FRY: variants seen among roughly 807,000 people sequenced by gnomAD.
The protein encoded by FRY is FRY microtubule binding protein, also known as protein furry homolog.
In FRY, 128 loss-of-function variants were observed where a neutral mutation model predicts 348.4. The ratio of observed to expected loss-of-function variants is 0.37; its 90% CI spans 0.32 to 0.43. The LOEUF (loss-of-function observed/expected upper bound fraction) is 0.43, where lower values mean the gene tolerates loss of function less well. Ranked by LOEUF, FRY falls within the 20% of genes least tolerant of loss-of-function variation. The pLI is 1.00. For missense variants in FRY, 2,736 were observed against 3,695.2 expected (o/e 0.74, Z 6.73); for synonymous variants, 1,370 against 1,374.7 (o/e 1.00, Z 0.08).
chr13:32,060,920 GGTCT>G (rs914841860), intron 1 of FRY: 2 of 367,670 alleles, frequency 5.4e-6, no homozygotes, highest in African/African-American at 4.3e-5. Flanking sequence ...TTCTACTGTA[GGTCT>G]TTAGCACCTG....
At position 32,201,799 on chromosome 13, in the gene FRY, G is replaced by A. The variant is rs1022134428; in HGVS notation, c.3747-142G>A. The A allele has an allele frequency of 4.6e-6, 3 of 653,324 alleles. No homozygotes were observed. In the African/African-American group the frequency reaches 5.4e-5, roughly 12 times the overall value. 40.5% of individuals were successfully genotyped at this position (653,324 alleles called of 1,614,324 possible). On this transcript the variant is annotated intron_variant, in intron 29 of 60. Coordinates refer to ENST00000542859, the MANE Select transcript of FRY (RefSeq NM_023037.3). ...TACTGATAAATAGCAAAAGAAGGAA[G>A]CAAAAAATGGCCAGACGGGGGTAAG...
chr13:32,073,401 GC>G (rs2138506299), intron 1 of FRY, among the ~76,000 whole-genome samples: 1 of 152,296 alleles, frequency 6.6e-6, no homozygotes, highest in South Asian at 2.1e-4. Flanking sequence ...CCTTCCTGCG[GC>G]AGCCCCAGAC....
intron 51 of FRY, among the ~76,000 whole-genome samples, chr13:32,259,490 G>A (rs73444628): frequency 0.013 from 2,022 of 152,292 alleles, 43 homozygotes; most frequent in African/African-American, 0.045. Flanking sequence ...ACCTGTGCCT[G>A]GTATAGCCTT....
intron 1 of FRY, among the ~76,000 whole-genome samples, chr13:32,048,946 G>T (rs558382313): frequency 6.0e-4 from 92 of 152,236 alleles, no homozygotes; most frequent in African/African-American, 2.2e-3. Context: ...CATGTGTAGG[G>T]TACTGTGGTA....
intron 2 of FRY, among the ~76,000 whole-genome samples, chr13:32,096,661 C>T (rs1184227475): frequency 2.6e-5 from 4 of 151,756 alleles, no homozygotes; most frequent in South Asian, 2.1e-4. Context: ...CATGGTGGCA[C>T]GTGCCTGTAA....
At chr13:32,258,369 T>C (rs1343028494) in intron 51 of FRY, among the ~76,000 whole-genome samples, 1 of 152,100 alleles carries the variant, frequency 6.6e-6, no homozygotes, top group Non-Finnish European at 1.5e-5. Context: ...ATCCCAGCAT[T>C]TTGGGAGGCT....
chr13:32,196,735 T>C (rs765202763), intron 29 of FRY, among the ~76,000 whole-genome samples: 2 of 152,204 alleles, frequency 1.3e-5, no homozygotes, highest in Non-Finnish European at 1.5e-5. Flanking sequence ...TAGAAAGTGA[T>C]GGTAGAACTG....
chr13:32,205,554 G>A (rs138504765), intron 31 of FRY, among the ~76,000 whole-genome samples: 1 of 152,256 alleles, frequency 6.6e-6, no homozygotes, highest in East Asian at 1.9e-4. Context: ...AGCTAGAGAT[G>A]GTCGTGGGCA....
At chr13:32,175,033 T>C (rs762407102) in intron 19 of FRY, among the ~76,000 whole-genome samples, 68 of 152,218 alleles carry the variant, frequency 4.5e-4, no homozygotes, top group Non-Finnish European at 7.3e-4. Context: ...ATTTGCATCT[T>C]GTATCAAATA....
At chr13:32,272,987 T>G (rs1358878976) in intron 55 of FRY, among the ~76,000 whole-genome samples, 1 of 151,874 alleles carries the variant, frequency 6.6e-6, no homozygotes, top group Non-Finnish European at 1.5e-5. Context: ...TTTGTGATCC[T>G]CCTGCCTCGG....
intron 55 of FRY, among the ~76,000 whole-genome samples, chr13:32,273,456 T>G (rs1445650851): frequency 6.6e-6 from 1 of 152,104 alleles, no homozygotes; most frequent in Admixed American, 6.5e-5. Flanking sequence ...TCTCCTGACC[T>G]CGTGATCCAC....
intron 49 of FRY, among the ~76,000 whole-genome samples, chr13:32,251,572 C>T (rs977714331): frequency 2.0e-5 from 3 of 151,800 alleles, no homozygotes; most frequent in Non-Finnish European, 4.4e-5. Flanking sequence ...CCAGCAGAAA[C>T]ATAATGTGAG....
At chr13:32,061,122 G>A (rs781249698) in intron 1 of FRY, 19 of 533,298 alleles carry the variant, frequency 3.6e-5, no homozygotes, top group South Asian at 1.8e-4. Flanking sequence ...ACAACTGCTT[G>A]TTGGAGACGA....
intron 58 of FRY, chr13:32,287,992 T>G (rs1889160600): frequency 3.2e-6 from 1 of 308,990 alleles, no homozygotes; most frequent in African/African-American, 2.2e-5. Flanking sequence ...CCTTTCTCAT[T>G]TTAATTTATT....
At chr13:32,062,266 T>A (rs1402244105) in intron 1 of FRY, among the ~76,000 whole-genome samples, 1 of 151,968 alleles carries the variant, frequency 6.6e-6, no homozygotes, top group Non-Finnish European at 1.5e-5. Flanking sequence ...AAAGGTTGCA[T>A]CATTATAGGA....
At chr13:32,132,087 C>G (rs940560972) in intron 8 of FRY, among the ~76,000 whole-genome samples, 4 of 152,058 alleles carry the variant, frequency 2.6e-5, no homozygotes, top group Non-Finnish European at 5.9e-5. Flanking sequence ...ACTTTTTTCT[C>G]TTTCACCCAC....
intron 33 of FRY, among the ~76,000 whole-genome samples, chr13:32,210,122 A>G (rs183663081): frequency 4.1e-4 from 62 of 152,388 alleles, no homozygotes; most frequent in East Asian, 1.3e-3. Flanking sequence ...TTGAAACAGA[A>G]TAAGAAAGCA....
chr13:32,161,812 A>G (rs936724124), intron 17 of FRY, among the ~76,000 whole-genome samples: 2 of 152,224 alleles, frequency 1.3e-5, no homozygotes, highest in South Asian at 2.1e-4. Context: ...GCCCCAAATC[A>G]TATTTATCAC....
At chr13:32,229,709 C>T (rs1255860240) in intron 40 of FRY, among the ~76,000 whole-genome samples, 2 of 152,144 alleles carry the variant, frequency 1.3e-5, no homozygotes, top group Non-Finnish European at 2.9e-5. Flanking sequence ...TGTTGAAAAC[C>T]AAGTAGATGA....
Sources: gnomAD v4.1 joint callset for allele counts (sites outside exome capture counted in the v4.1 genomes callset) on GRCh38, gnomAD v4.1.1 for gene constraint, MANE v1.5 for transcripts, NCBI Gene and HGNC (gene_info 2026-07-23, HGNC 2026-07-21) for gene names.